SEPTIN9: variants seen among roughly 807,000 people sequenced by gnomAD.
The protein encoded by SEPTIN9 is septin 9, also known as septin-9.
SEPTIN9 carries 13 observed loss-of-function variants against 56.6 expected under a neutral mutation model. The ratio of observed to expected loss-of-function variants is 0.23; its 90% CI spans 0.15 to 0.37. SEPTIN9 has a LOEUF of 0.37. Among genes scored for constraint, SEPTIN9 ranks in the 10% least tolerant of loss-of-function variants. SEPTIN9 has a pLI of 1.00. For missense variants in SEPTIN9, 650 were observed against 823.1 expected, an observed-to-expected ratio of 0.79 and a Z score of 2.57; for synonymous variants, 332 against 334.1, an observed-to-expected ratio of 0.99 and a Z score of 0.07.
At chr17:77,418,050 C>T (rs1329504304) in intron 3 of SEPTIN9, among the ~76,000 whole-genome samples, 1 of 152,164 alleles carries the variant, frequency 6.6e-6, no homozygotes, top group Non-Finnish European at 1.5e-5. Context: ...GGGAGTGCCC[C>T]GAGCTGTCAC....
At chr17:77,312,059 G>A (rs2032515764) in intron 2 of SEPTIN9, among the ~76,000 whole-genome samples, 1 of 151,988 alleles carries the variant, frequency 6.6e-6, no homozygotes, top group South Asian at 2.1e-4. Context: ...TCATCAACTC[G>A]CCCTCTGCAT....
Position 77,292,702 on chromosome 17 carries a change from C to T in SEPTIN9, c.19+11148C>T, listed in dbSNP as rs1446779657. Among the ~76,000 whole-genome samples the T allele has an allele frequency of 2.0e-5, 3 of 152,008 alleles. No homozygotes were observed. In the South Asian group the frequency reaches 6.2e-4, roughly 32 times the overall value. On this transcript the variant is annotated intron_variant, in intron 1 of 11. Transcript: ENST00000427177. The stretch of plus-strand genomic sequence containing the variant: ...AGAGACGGGGTTTCCCTACATTGGC[C>T]GGGCTGGTCTCGAACTCTTGACCTC...
intron 2 of SEPTIN9, among the ~76,000 whole-genome samples, chr17:77,335,613 A>G (rs866833471): frequency 1.1e-4 from 15 of 141,824 alleles, no homozygotes; most frequent in South Asian, 2.3e-4. Context: ...TGTAGGCCCC[A>G]TGTTGACTGT....
Position 77,396,739 on chromosome 17 carries a change from C to T in SEPTIN9, c.77-5320C>T, listed in dbSNP as rs192851133. Among the ~76,000 whole-genome samples, 83 of 152,246 alleles carry T rather than the reference C, an allele frequency of 5.5e-4. No homozygotes were observed. In the East Asian group the frequency reaches 0.015, roughly 27 times the overall value. ...GCTGGGTACAACTCACAATGTCCTC[C>T]GTGGGGAGGCAATTGCCCATGAGGC... On this transcript the variant is annotated intron_variant, in intron 2 of 11. Coordinates refer to ENST00000427177, the MANE Select transcript of SEPTIN9 (RefSeq NM_001113491.2).
intron 3 of SEPTIN9, among the ~76,000 whole-genome samples, chr17:77,403,047 G>A (rs2035955795): frequency 6.6e-6 from 1 of 152,144 alleles, no homozygotes; most frequent in Non-Finnish European, 1.5e-5. Flanking sequence ...AGAATGAGGA[G>A]CCACGCAGGA....
chr17:77,358,490 G>A (rs776830644), intron 2 of SEPTIN9, among the ~76,000 whole-genome samples: 15 of 151,900 alleles, frequency 9.9e-5, no homozygotes, highest in African/African-American at 2.4e-4. Context: ...ACATGGTGGC[G>A]TGCACCTGTA....
At chr17:77,416,889 T>C (rs1276876380) in intron 3 of SEPTIN9, among the ~76,000 whole-genome samples, 1 of 152,198 alleles carries the variant, frequency 6.6e-6, no homozygotes, top group East Asian at 1.9e-4. Flanking sequence ...TTCCATGTGC[T>C]CCCATAAGCC....
intron 8 of SEPTIN9, 29 bp downstream of exon 8, chr17:77,490,888 C>T: frequency 6.6e-7 from 1 of 1,517,030 alleles, no homozygotes; most frequent in Non-Finnish European, 9.0e-7. Context: ...TTGCCCCAGC[C>T]CTTCTGTGCA....
chr17:77,389,359 G>T lies in SEPTIN9; in HGVS notation c.77-12700G>T, dbSNP rs1410412075. 2.6e-5 allele frequency among the ~76,000 whole-genome samples: 4 copies of T among 152,158 alleles called. No homozygotes were observed. Among genetic ancestry groups the T allele is most frequent in the Admixed American group, 2.6e-4 (4 of 15,278 alleles). ...CCAGGAGCCAGCATCACGTTTCTCT[G>T]TCTCCAGAATCGAGGACGGAGAGCT... On this transcript the variant is annotated intron_variant, in intron 2 of 11. Coordinates refer to ENST00000427177, the MANE Select transcript of SEPTIN9 (RefSeq NM_001113491.2). This position sits in a 1 kb window ranked among gnomAD's most constrained non-coding sequence, Gnocchi z 4.3.
chr17:77,444,398 G>A (rs114053681), intron 3 of SEPTIN9, among the ~76,000 whole-genome samples: 2 of 151,956 alleles, frequency 1.3e-5, no homozygotes, highest in African/African-American at 2.4e-5. Context: ...ACCTTGTGGG[G>A]TCTGGGCAGG....
chr17:77,327,988 C>T lies in SEPTIN9; in HGVS notation c.76+20791C>T, dbSNP rs184226648. 1.6e-3 allele frequency among the ~76,000 whole-genome samples: 247 copies of T among 151,862 alleles called. 1 individual carries two copies. The highest frequency in any genetic ancestry group is 5.8e-3 in the African/African-American group (238 of 41,266). Reference sequence around the variant, plus strand: ...GTGTGTCCCTGTATCCAGGGCATCCCCATGCCCAGGGTGTCCCCGTGCCTA... The same window carrying T: ...GTGTGTCCCTGTATCCAGGGCATCCTCATGCCCAGGGTGTCCCCGTGCCTA... On this transcript the variant is annotated intron_variant, in intron 2 of 11. Coordinates refer to ENST00000427177, the MANE Select transcript of SEPTIN9 (RefSeq NM_001113491.2). This position sits in a 1 kb window ranked among gnomAD's most constrained non-coding sequence, Gnocchi z 5.0.
rs1349041805 is a variant in SEPTIN9, at chr17:77,492,414, C to T, written c.1381-207C>T. On this transcript the variant is annotated intron_variant, in intron 8 of 11. Transcript: ENST00000427177. This position sits in a 1 kb window ranked among gnomAD's most constrained non-coding sequence, Gnocchi z 5.4. The stretch of plus-strand genomic sequence containing the variant: ...TTAAGCCCCTGGGGAGTTGCAGCGT[C>T]GCTCAGGACAGCAGGTGCACCTGCA... Among the ~76,000 whole-genome samples the T allele has an allele frequency of 2.0e-5, 3 of 152,048 alleles. No individual in the cohort carries two copies. Among genetic ancestry groups the T allele is most frequent in the African/African-American group, 7.2e-5 (3 of 41,384 alleles).
At chr17:77,300,665 T>G (rs2031996675) in intron 1 of SEPTIN9, among the ~76,000 whole-genome samples, 2 of 151,540 alleles carry the variant, frequency 1.3e-5, no homozygotes, top group Non-Finnish European at 2.9e-5. Flanking sequence ...AAAAAGGGAG[T>G]GAAGCCTGTG....
At chr17:77,440,289 G>T (rs549380480) in intron 3 of SEPTIN9, among the ~76,000 whole-genome samples, 1 of 152,062 alleles carries the variant, frequency 6.6e-6, no homozygotes, top group South Asian at 2.1e-4. Context: ...TAAGTAGCTG[G>T]GATTATAGGC....
chr17:77,430,527 G>A (rs2037087647), intron 3 of SEPTIN9, among the ~76,000 whole-genome samples: 1 of 152,186 alleles, frequency 6.6e-6, no homozygotes, highest in Non-Finnish European at 1.5e-5. Context: ...GGCCCGCAGA[G>A]CAGCCATCAC....
At chr17:77,378,032 C>A (rs750937897) in intron 2 of SEPTIN9, among the ~76,000 whole-genome samples, 28 of 152,148 alleles carry the variant, frequency 1.8e-4, no homozygotes, top group Non-Finnish European at 3.7e-4. Flanking sequence ...CGAGTTGGTT[C>A]ATTTAGAGGG....
At chr17:77,459,283 A>T (rs552165403) in intron 3 of SEPTIN9, among the ~76,000 whole-genome samples, 2 of 151,956 alleles carry the variant, frequency 1.3e-5, no homozygotes, top group Admixed American at 1.3e-4. Flanking sequence ...GCCTGGTGCC[A>T]CCTCCCCAGA....
At position 77,392,833 on chromosome 17, in the gene SEPTIN9, G is replaced by C. The variant is rs551630135; in HGVS notation, c.77-9226G>C. Among the ~76,000 whole-genome samples the C allele has an allele frequency of 7.9e-5, 12 of 152,222 alleles. 1 individual carries two copies. Among genetic ancestry groups the C allele is most frequent in the African/African-American group, 2.6e-4 (11 of 41,534 alleles). Reference sequence around the variant, plus strand: ...AAACAAATGTGGCTCTCTGTGGGGAGCCTGGGGGCCGCCCTCCACTGACAC... The same window carrying C: ...AAACAAATGTGGCTCTCTGTGGGGACCCTGGGGGCCGCCCTCCACTGACAC... On this transcript the variant is annotated intron_variant, in intron 2 of 11. Transcript: ENST00000427177.
At chr17:77,304,982 C>T (rs1281547011) in intron 1 of SEPTIN9, among the ~76,000 whole-genome samples, 1 of 151,962 alleles carries the variant, frequency 6.6e-6, no homozygotes, top group East Asian at 1.9e-4. Flanking sequence ...CCTCTCCCCT[C>T]CTGGTCCTGG....
Sources: gnomAD v4.1 joint callset for allele counts (sites outside exome capture counted in the v4.1 genomes callset) on GRCh38, gnomAD v4.1.1 for gene constraint, Gnocchi (gnomAD v3.1) non-coding constraint, MANE v1.5 for transcripts, NCBI Gene and HGNC (gene_info 2026-07-23, HGNC 2026-07-21) for gene names.